ANKS1A: variants seen among roughly 807,000 people sequenced by gnomAD.
The protein encoded by ANKS1A is ankyrin repeat and SAM domain-containing protein 1A.
Under a neutral mutation model 120.3 loss-of-function variants are expected in ANKS1A, and 55 were observed. The ratio of observed to expected loss-of-function variants is 0.46; its 90% CI spans 0.37 to 0.57. The LOEUF (loss-of-function observed/expected upper bound fraction) is 0.57, where lower values mean the gene tolerates loss of function less well. ANKS1A is among the 20% of genes least tolerant of loss of function. The pLI is 0.00. For missense variants in ANKS1A, 1,123 were observed against 1,480.3 expected (o/e 0.76, Z 3.96); for synonymous variants, 590 against 604.7 (o/e 0.98, Z 0.36).
At chr6:34,901,822 G>A (rs1197212704) in intron 1 of ANKS1A, among the ~76,000 whole-genome samples, 1 of 152,114 alleles carries the variant, frequency 6.6e-6, no homozygotes, top group African/African-American at 2.4e-5. Flanking sequence ...GGACTGAGGT[G>A]TTCTGTTTGT....
At chr6:35,000,526 AAAG>A (rs1773111674) in intron 10 of ANKS1A, among the ~76,000 whole-genome samples, 1 of 152,144 alleles carries the variant, frequency 6.6e-6, no homozygotes. Flanking sequence ...ATTTATGTAA[AAAG>A]AGTGTTATAT....
chr6:34,912,345 G>T (rs1249420074), intron 1 of ANKS1A, among the ~76,000 whole-genome samples: 2 of 152,008 alleles, frequency 1.3e-5, no homozygotes, highest in African/African-American at 2.4e-5. Context: ...TCACTTGCTG[G>T]TTACCTTATG....
At chr6:35,034,026 A>T (rs760377922) in intron 11 of ANKS1A, among the ~76,000 whole-genome samples, 6 of 152,164 alleles carry the variant, frequency 3.9e-5, no homozygotes, top group Non-Finnish European at 5.9e-5. Flanking sequence ...CAACTGCTCT[A>T]TGTGGCATTA....
rs74555280 is a variant in ANKS1A at position 34,901,218 on chromosome 6, GT to G, written c.197+11633del. ...TGTATTTGAAGTTATTTCCAACTCT[GT>G]TTTTTTTTTTTTTAAACAATTCGCT... On this transcript the variant is annotated intron_variant, in intron 1 of 23. Transcript: ENST00000360359. Among the ~76,000 whole-genome samples, 861 of 140,154 alleles carry G rather than the reference GT, an allele frequency of 6.1e-3. 7 individuals carry two copies. The highest frequency in any genetic ancestry group is 0.016 in the African/African-American group (629 of 38,528). 91.9% of individuals were successfully genotyped at this position (140,154 alleles called of 152,430 possible). A position where few individuals can be genotyped will look rare whatever the true frequency, so the allele number is the denominator to read the frequency against.
At position 35,017,536 on chromosome 6, in the gene ANKS1A, C is replaced by G. The variant is rs1382922986; in HGVS notation, c.1487C>G (p.Pro496Arg). 1 of 1,613,932 alleles carries G rather than the reference C, an allele frequency of 6.2e-7. No individual in the cohort carries two copies. Among genetic ancestry groups the G allele is most frequent in the East Asian group, 2.2e-5 (1 of 44,898 alleles). Residue 496 changes from proline to arginine, a missense_variant, in exon 11 of 24, where the codon CCA becomes CGA. By Grantham distance (103) the Pro-to-Arg change is moderately radical. Coordinates refer to ENST00000360359, the MANE Select transcript of ANKS1A (RefSeq NM_015245.3). ...GCGGAGGGGCAGGACGGGCAGGTCC[C>G]AGAGCAGTTCTCAGGCCTCCTCCAC... Reference protein sequence around the residue: ...DSAEGQDGQVPEQFSGLLHGS... With the variant: ...DSAEGQDGQVREQFSGLLHGS...
chr6:35,049,969 G>A (rs1047075620), intron 11 of ANKS1A, among the ~76,000 whole-genome samples: 4 of 152,120 alleles, frequency 2.6e-5, no homozygotes, highest in Non-Finnish European at 4.4e-5. Context: ...TCAACTCCCA[G>A]TATTTATTAA....
chr6:34,977,016 G>A (rs1218176522), intron 3 of ANKS1A, among the ~76,000 whole-genome samples: 3 of 152,050 alleles, frequency 2.0e-5, no homozygotes, highest in Admixed American at 2.0e-4. Context: ...CCATGTTCAA[G>A]TTTTACCAGT....
chr6:34,968,587 G>A (rs940399739), intron 2 of ANKS1A, among the ~76,000 whole-genome samples: 22 of 151,998 alleles, frequency 1.4e-4, no homozygotes, highest in South Asian at 1.0e-3. Context: ...ACAGGCGCCC[G>A]CCACCACACC....
intron 1 of ANKS1A, among the ~76,000 whole-genome samples, chr6:34,943,216 A>C (rs1769619457): frequency 6.6e-6 from 1 of 152,120 alleles, no homozygotes; most frequent in Non-Finnish European, 1.5e-5. Context: ...TGGCCTCCCA[A>C]AGTGCTGGGA....
Position 35,086,893 on chromosome 6 carries a change from C to G in ANKS1A, c.3304-59C>G. On this transcript the variant is annotated intron_variant, in intron 22 of 23. Coordinates refer to ENST00000360359, the MANE Select transcript of ANKS1A (RefSeq NM_015245.3). This position sits in a 1 kb window ranked among gnomAD's most constrained non-coding sequence, Gnocchi z 5.1. ...CTGGCCTGGGGGTGGGAGGGGCCTG[C>G]TGCCTCCAGCCCTGGCACAGAGCTC... The G allele has an allele frequency of 6.5e-7, 1 of 1,537,158 alleles. No homozygotes were observed. Among genetic ancestry groups the G allele is most frequent in the Non-Finnish European group, 9.0e-7 (1 of 1,110,618 alleles).
intron 1 of ANKS1A, among the ~76,000 whole-genome samples, chr6:34,895,521 T>C (rs1561833224): frequency 6.6e-6 from 1 of 152,310 alleles, no homozygotes; most frequent in East Asian, 1.9e-4. Flanking sequence ...CTGTGCCAGA[T>C]TTCTTTTGAA....
intron 1 of ANKS1A, among the ~76,000 whole-genome samples, chr6:34,907,792 A>G (rs950195559): frequency 6.6e-6 from 1 of 152,238 alleles, no homozygotes; most frequent in African/African-American, 2.4e-5. Flanking sequence ...TGGGAGGTAT[A>G]GATAGCTTTC....
intron 3 of ANKS1A, among the ~76,000 whole-genome samples, chr6:34,975,186 A>G (rs1415483876): frequency 6.6e-6 from 1 of 152,164 alleles, no homozygotes; most frequent in African/African-American, 2.4e-5. Flanking sequence ...CAGGTGCTGG[A>G]ATTACAGGCA....
At chr6:34,900,900 G>A (rs960682889) in intron 1 of ANKS1A, among the ~76,000 whole-genome samples, 6 of 151,922 alleles carry the variant, frequency 3.9e-5, no homozygotes, top group Non-Finnish European at 5.9e-5. Context: ...TAAAGAGAAT[G>A]CCTTTACGTC....
Position 35,082,689 on chromosome 6 carries a change from A to C in ANKS1A, c.2710-2A>C. The C allele has an allele frequency of 6.2e-7, 1 of 1,607,200 alleles. No homozygotes were observed. Among genetic ancestry groups the C allele is most frequent in the Non-Finnish European group, 8.5e-7 (1 of 1,176,598 alleles). On this transcript the variant is annotated splice_acceptor_variant, in intron 17 of 23. Transcript: ENST00000360359. LOFTEE classifies it high-confidence loss of function. The surrounding 1 kb of genome is among the most constrained non-coding windows in gnomAD (Gnocchi z 4.1). ...AGGTGTCCAATTGCGTGTGTTTCGC[A>C]GGAGGAGCACCGTGAGGCCAAGCTG...
chr6:34,919,232 G>C (rs1000346978), intron 1 of ANKS1A, among the ~76,000 whole-genome samples: 5 of 152,150 alleles, frequency 3.3e-5, no homozygotes, highest in African/African-American at 1.2e-4. Flanking sequence ...TCAAAAAGCT[G>C]GAAAACAGTT....
chr6:34,989,434 AT>A (rs1772394027), intron 9 of ANKS1A, 118 bp downstream of exon 9: 2 of 918,346 alleles, frequency 2.2e-6, no homozygotes, highest in African/African-American at 1.7e-5. Flanking sequence ...TGGATTATAA[AT>A]TTGTATTATG....
intron 16 of ANKS1A, among the ~76,000 whole-genome samples, chr6:35,080,753 G>A (rs1777625834): frequency 6.6e-6 from 1 of 152,124 alleles, no homozygotes; most frequent in South Asian, 2.1e-4. Context: ...AATGGATCAG[G>A]ACAGAAGATT....
intron 1 of ANKS1A, among the ~76,000 whole-genome samples, chr6:34,907,911 G>A (rs1025798128): frequency 6.6e-6 from 1 of 152,162 alleles, no homozygotes; most frequent in African/African-American, 2.4e-5. Flanking sequence ...ATAGTGGCAA[G>A]CCAGGCATGG....
Sources: allele counts gnomAD v4.1 joint callset (sites outside exome capture counted in the v4.1 genomes callset), GRCh38; gene constraint gnomAD v4.1.1; non-coding constraint Gnocchi (gnomAD v3.1); transcripts MANE v1.5; gene names NCBI Gene and HGNC (gene_info 2026-07-23, HGNC 2026-07-21).